AMBRA1: variants seen among roughly 807,000 people sequenced by gnomAD.
The protein encoded by AMBRA1 is activating molecule in BECN1-regulated autophagy protein 1.
A neutral mutation model predicts 125.4 loss-of-function variants in AMBRA1; 47 were observed. The ratio of observed to expected loss-of-function variants is 0.37; its 90% CI spans 0.30 to 0.48. The LOEUF is 0.48. Ranked by LOEUF, AMBRA1 falls within the 20% of genes least tolerant of loss-of-function variation. The probability of loss-of-function intolerance (pLI) is 0.99; values close to 1 mark genes in which losing one functional copy is unlikely to be tolerated. For synonymous variants in AMBRA1, 626 were observed against 655.5 expected (o/e 0.95, Z 0.69); for missense variants, 1,331 against 1,693.4 (o/e 0.79, Z 3.76).
chr11:46,406,245 C>T (rs945237935), intron 17 of AMBRA1, among the ~76,000 whole-genome samples: 9 of 150,894 alleles, frequency 6.0e-5, no homozygotes, highest in East Asian at 2.0e-4. Flanking sequence ...GTAGAGACAG[C>T]GTTTCACCAT....
intron 12 of AMBRA1, among the ~76,000 whole-genome samples, chr11:46,440,336 T>C (rs962606777): frequency 2.0e-5 from 3 of 152,180 alleles, no homozygotes; most frequent in African/African-American, 4.8e-5. Context: ...GACGAGTACA[T>C]ACAGCATGCT....
intron 1 of AMBRA1, among the ~76,000 whole-genome samples, chr11:46,576,009 T>C (rs558898632): frequency 6.6e-6 from 1 of 152,270 alleles, no homozygotes; most frequent in South Asian, 2.1e-4. Context: ...AGATTGCCGG[T>C]CCCAATCTAA....
At chr11:46,547,499 G>C (rs527876195) in intron 3 of AMBRA1, 1 of 570,162 alleles carries the variant, frequency 1.8e-6, no homozygotes, top group Non-Finnish European at 3.0e-6. Context: ...GTCCCCAAAT[G>C]ACACATGCCA....
At chr11:46,525,472 C>T (rs926869317) in intron 7 of AMBRA1, among the ~76,000 whole-genome samples, 6 of 150,986 alleles carry the variant, frequency 4.0e-5, no homozygotes, top group Non-Finnish European at 8.9e-5. Context: ...AGTCTGGGCG[C>T]GGTGGCTCAT....
intron 1 of AMBRA1, chr11:46,591,010 G>C (rs1244276834): frequency 6.6e-5 from 10 of 151,988 alleles, no homozygotes; most frequent in African/African-American, 2.4e-4. Flanking sequence ...CTCTATCCCT[G>C]TAACCTCCCA....
chr11:46,464,728 A>G (rs1296484276), intron 11 of AMBRA1, among the ~76,000 whole-genome samples: 1 of 152,072 alleles, frequency 6.6e-6, no homozygotes, highest in Admixed American at 6.6e-5. Flanking sequence ...TCCAGAGTCC[A>G]TACCCTAACT....
intron 11 of AMBRA1, among the ~76,000 whole-genome samples, chr11:46,448,589 G>A (rs1262140202): frequency 1.3e-5 from 2 of 151,968 alleles, no homozygotes; most frequent in African/African-American, 4.8e-5. Flanking sequence ...AAAGTAAGCA[G>A]AAGAAAAACA....
At chr11:46,422,455 A>G (rs1327175498) in intron 14 of AMBRA1, among the ~76,000 whole-genome samples, 1 of 152,126 alleles carries the variant, frequency 6.6e-6, no homozygotes, top group Non-Finnish European at 1.5e-5. Flanking sequence ...GTCCAAGACA[A>G]TCTCTTGTAC....
At chr11:46,408,037 C>A (rs551934419) in intron 17 of AMBRA1, among the ~76,000 whole-genome samples, 2 of 152,138 alleles carry the variant, frequency 1.3e-5, no homozygotes, top group Non-Finnish European at 2.9e-5. Context: ...GAGGAAGGGG[C>A]TGATGATAGG....
intron 11 of AMBRA1, among the ~76,000 whole-genome samples, chr11:46,487,104 AAAAAT>A (rs751454251): frequency 6.6e-6 from 1 of 151,900 alleles, no homozygotes; most frequent in Non-Finnish European, 1.5e-5. Flanking sequence ...CGAAAAGTAC[AAAAAT>A]TAGATGGACA....
At chr11:46,561,006 G>A (rs1314135966) in intron 1 of AMBRA1, among the ~76,000 whole-genome samples, 1 of 152,112 alleles carries the variant, frequency 6.6e-6, no homozygotes, top group African/African-American at 2.4e-5. Flanking sequence ...TCTCTGCATA[G>A]TCTTTGAGAA....
intron 7 of AMBRA1, among the ~76,000 whole-genome samples, chr11:46,513,268 CT>C (rs71451654): frequency 0.032 from 3,907 of 122,232 alleles, 55 homozygotes; most frequent in Non-Finnish European, 0.038. Flanking sequence ...GCTCTTTTTT[CT>C]TTTTTTTTTT....
chr11:46,434,977 GA>G lies in AMBRA1; in HGVS notation c.2692del (p.Ser898LeufsTer50). 6.2e-7 allele frequency: 1 copy of G among 1,613,860 alleles called. No homozygotes were observed. Reference protein sequence around the residue: ...KIYNDASCDISADGQLLAAFI... With the variant: ...KIYNDASCDIXADGQLLAAFI... ...AGCTGCCAGGAGCTGGCCATCTGCAGAAATGTCACAGCTGGCATCATTGTAG... is the reference window on the plus strand; with the variant it reads ...AGCTGCCAGGAGCTGGCCATCTGCAGAATGTCACAGCTGGCATCATTGTAG... On this transcript the variant is annotated frameshift_variant, in exon 13 of 18. Transcript: ENST00000683756. LOFTEE classifies it high-confidence loss of function.
At chr11:46,498,034 C>A (rs775402187) in intron 9 of AMBRA1, among the ~76,000 whole-genome samples, 1 of 152,102 alleles carries the variant, frequency 6.6e-6, no homozygotes, top group Non-Finnish European at 1.5e-5. Context: ...CACTCACTTC[C>A]GTGCTGATAC....
chr11:46,527,477 CAAAAAAA>C lies in AMBRA1; in HGVS notation c.2072+14461_2072+14467del, dbSNP rs59904013. Among the ~76,000 whole-genome samples, 10 of 25,938 alleles carry C rather than the reference CAAAAAAA, an allele frequency of 3.9e-4. No individual in the cohort carries two copies. In the East Asian group the frequency reaches 6.1e-3, roughly 16 times the overall value. The allele number at this position is 25,938 out of a possible 152,430, so 17.0% of individuals were successfully genotyped here. On this transcript the variant is annotated intron_variant, in intron 7 of 17. Coordinates refer to ENST00000683756, the MANE Select transcript of AMBRA1 (RefSeq NM_001387011.1). ...CCTAGGTGACAAAGTGAGACTGTCT[CAAAAAAA>C]AAAAAAAAAAAAAAAAAAAAGGCAA...
intron 1 of AMBRA1, among the ~76,000 whole-genome samples, chr11:46,576,348 G>A (rs1303727069): frequency 5.3e-5 from 8 of 152,078 alleles, no homozygotes; most frequent in South Asian, 4.2e-4. Flanking sequence ...GGCAGGTCTC[G>A]AACTCCTGGG....
At chr11:46,561,596 C>A (rs1057458637) in intron 1 of AMBRA1, among the ~76,000 whole-genome samples, 1 of 152,108 alleles carries the variant, frequency 6.6e-6, no homozygotes, top group East Asian at 1.9e-4. Context: ...AGTACCAGAG[C>A]TACACTCCCA....
At chr11:46,399,725 C>T (rs572346394) in intron 17 of AMBRA1, among the ~76,000 whole-genome samples, 1 of 152,124 alleles carries the variant, frequency 6.6e-6, no homozygotes, top group East Asian at 1.9e-4. Flanking sequence ...TTTCCCTTTA[C>T]CCCCCAGTCT....
At chr11:46,443,685 T>C (rs1345457172) in intron 11 of AMBRA1, 87 bp from the exon 12 acceptor site, 7 of 1,160,530 alleles carry the variant, frequency 6.0e-6, no homozygotes, top group Non-Finnish European at 8.8e-6. Context: ...GGATTAGTAG[T>C]GGGGAGAGAA....
Sources: gnomAD v4.1 joint callset for allele counts (sites outside exome capture counted in the v4.1 genomes callset) on GRCh38, gnomAD v4.1.1 for gene constraint, MANE v1.5 for transcripts, NCBI Gene and HGNC (gene_info 2026-07-23, HGNC 2026-07-21) for gene names.